The following CNTN6 variants were observed in gnomAD, a reference collection of about 807,000 sequenced individuals.
CNTN6 encodes the protein contactin 6, also known as contactin-6.
CNTN6 carries 137 observed loss-of-function variants against 122.8 expected under a neutral mutation model. The ratio of observed to expected loss-of-function variants is 1.12; its 90% confidence interval spans 0.97 to 1.29. CNTN6 has a LOEUF of 1.29. Among genes scored for constraint, CNTN6 ranks in the 50% most tolerant of loss-of-function variants. The pLI is 0.00. For missense variants in CNTN6, 1,634 were observed against 1,223.4 expected (o/e 1.34, Z -5.01); for synonymous variants, 570 against 426.0 (o/e 1.34, Z -4.16).
chr3:1,149,237 A>G (rs1190507564), intron 2 of CNTN6, among the ~76,000 whole-genome samples: 1 of 152,206 alleles, frequency 6.6e-6, no homozygotes, highest in East Asian at 1.9e-4. Flanking sequence ...GAGCTTACCT[A>G]CATGAGTTGT....
At chr3:1,140,857 G>A (rs554893075) in intron 1 of CNTN6, among the ~76,000 whole-genome samples, 32 of 152,290 alleles carry the variant, frequency 2.1e-4, no homozygotes, top group African/African-American at 7.0e-4. Context: ...GCTGTGTTAC[G>A]TCTTTCTACT....
In CNTN6 at chr3:1,373,750, G is replaced by A. The variant is rs1246184279; in HGVS notation, c.1933G>A (p.Ala645Thr). 6.2e-7 allele frequency: 1 copy of A among 1,608,276 alleles called. No individual in the cohort carries two copies. Among genetic ancestry groups the A allele is most frequent in the Non-Finnish European group, 8.5e-7 (1 of 1,177,098 alleles). The part of the protein sequence containing the change: ...TRTPFSVGWQ[A>T]VATVPEILNG... ...GACACCATTTTCTGTGGGTTGGCAG[G>A]CTGTTGCTACAGGTGAGTGACAAAA... Residue 645 changes from alanine (A) to threonine (T), a missense_variant, in exon 15 of 23, where the codon GCT becomes ACT. Coordinates refer to ENST00000446702, the MANE Select transcript of CNTN6 (RefSeq NM_001289080.2).
chr3:1,096,214 C>CTTGCT (rs759881294), intron 1 of CNTN6, among the ~76,000 whole-genome samples: 38 of 151,878 alleles, frequency 2.5e-4, no homozygotes, highest in Non-Finnish European at 4.7e-4. Context: ...TTGAATGTGA[C>CTTGCT]TTGCTTTTTT....
At chr3:1,295,917 A>T (rs1696151169) in intron 6 of CNTN6, 113 bp downstream of exon 6, 1 of 869,634 alleles carries the variant, frequency 1.1e-6, no homozygotes, top group African/African-American at 1.7e-5. Flanking sequence ...TTACGAGTTT[A>T]GGTTCAATTC....
intron 9 of CNTN6, 21 bp from the exon 10 acceptor site, chr3:1,327,436 A>G (rs1206782251): frequency 1.2e-6 from 2 of 1,606,868 alleles, no homozygotes; most frequent in Non-Finnish European, 1.7e-6. Context: ...AAGCATCTTT[A>G]TATGCCTTTT....
intron 1 of CNTN6, among the ~76,000 whole-genome samples, chr3:1,097,547 G>C (rs931920352): frequency 5.9e-5 from 9 of 152,188 alleles, no homozygotes; most frequent in Non-Finnish European, 1.0e-4. Context: ...CAAGATTCAG[G>C]AGGCAAGCTC....
chr3:1,118,826 G>A (rs1294474638), intron 1 of CNTN6, among the ~76,000 whole-genome samples: 2 of 151,890 alleles, frequency 1.3e-5, no homozygotes, highest in East Asian at 3.9e-4. Context: ...AGACCTTGGT[G>A]TTAATAAGAT....
intron 11 of CNTN6, among the ~76,000 whole-genome samples, chr3:1,335,693 G>C (rs1256445791): frequency 6.6e-6 from 1 of 152,102 alleles, no homozygotes; most frequent in East Asian, 1.9e-4. Context: ...CAAAGAGATG[G>C]AGAAAAGAAA....
At position 1,401,415 on chromosome 3, in the gene CNTN6, T is replaced by C. The variant is rs754724467; in HGVS notation, c.2705-18T>C. On this transcript the variant is annotated intron_variant, in intron 20 of 22. Transcript: ENST00000446702. ...AGCTAATTAACATTCATTTGGATCT[T>C]TGATTATCTCTTTAAAGCTCCAAGC... 6.3e-7 allele frequency: 1 copy of C among 1,594,642 alleles called. No individual in the cohort carries two copies. The highest frequency in any genetic ancestry group is 2.2e-5 in the East Asian group (1 of 44,672).
chr3:1,372,913 A>G lies in CNTN6; in HGVS notation c.1744A>G (p.Thr582Ala). The G allele has an allele frequency of 1.2e-6, 2 of 1,608,026 alleles. No homozygotes were observed. The highest frequency in any genetic ancestry group is 1.7e-6 in the Non-Finnish European group (2 of 1,176,340). ...SGKYLCTVQTTLESLSAVADI... is the reference protein window; with the variant it reads ...SGKYLCTVQTALESLSAVADI... Reference sequence around the variant, plus strand: ...AAAATATCTCTGCACAGTACAAACAACCCTAGAAAGTTTATCTGCAGTAGC... The same window carrying G: ...AAAATATCTCTGCACAGTACAAACAGCCCTAGAAAGTTTATCTGCAGTAGC... The change falls in exon 14 of 23, where the codon ACC becomes GCC. Residue 582 changes from threonine to alanine, a missense_variant. By Grantham distance (58) the Thr-to-Ala change is moderately conservative. Coordinates refer to ENST00000446702, the MANE Select transcript of CNTN6 (RefSeq NM_001289080.2).
chr3:1,245,219 T>TATATATATATAAC (rs2094547400), intron 4 of CNTN6, among the ~76,000 whole-genome samples: 3 of 23,118 alleles, frequency 1.3e-4, no homozygotes, highest in African/African-American at 3.0e-4. Context: ...TATATATATA[T>TATATATATATAAC]ATATATATAT....
At chr3:1,195,791 T>C (rs1186697238) in intron 2 of CNTN6, among the ~76,000 whole-genome samples, 3 of 152,212 alleles carry the variant, frequency 2.0e-5, no homozygotes, top group Non-Finnish European at 4.4e-5. Context: ...TGAATCTTAC[T>C]ATTCTCACCT....
chr3:1,259,952 A>C (rs1395400012), intron 4 of CNTN6, among the ~76,000 whole-genome samples: 1 of 152,090 alleles, frequency 6.6e-6, no homozygotes, highest in African/African-American at 2.4e-5. Flanking sequence ...ATATGTTAAA[A>C]CTGCTTTGAA....
At chr3:1,189,744 T>C (rs1575170009) in intron 2 of CNTN6, among the ~76,000 whole-genome samples, 3 of 152,246 alleles carry the variant, frequency 2.0e-5, no homozygotes, top group South Asian at 4.1e-4. Flanking sequence ...TGGGAAAGAA[T>C]CCTGTGATTG....
intron 4 of CNTN6, among the ~76,000 whole-genome samples, chr3:1,277,838 T>A (rs1455754333): frequency 1.3e-5 from 2 of 152,216 alleles, no homozygotes; most frequent in African/African-American, 4.8e-5. Flanking sequence ...CTTTCAACTC[T>A]GAATTTCTGT....
chr3:1,165,293 C>A (rs2093221611), intron 2 of CNTN6, among the ~76,000 whole-genome samples: 1 of 152,156 alleles, frequency 6.6e-6, no homozygotes, highest in Admixed American at 6.5e-5. Context: ...GAAGACTCTG[C>A]AATCCTCTTT....
At chr3:1,094,881 T>C (rs981421307) in intron 1 of CNTN6, among the ~76,000 whole-genome samples, 2 of 152,064 alleles carry the variant, frequency 1.3e-5, no homozygotes, top group Non-Finnish European at 2.9e-5. Context: ...CTGTTTATTT[T>C]AATAACATAT....
chr3:1,351,804 C>A (rs948424971), intron 11 of CNTN6, among the ~76,000 whole-genome samples: 1 of 151,838 alleles, frequency 6.6e-6, no homozygotes, highest in Non-Finnish European at 1.5e-5. Flanking sequence ...GGCCATGGAA[C>A]CATATAGATA....
At chr3:1,274,758 C>T (rs567699285) in intron 4 of CNTN6, among the ~76,000 whole-genome samples, 1 of 152,092 alleles carries the variant, frequency 6.6e-6, no homozygotes, top group Non-Finnish European at 1.5e-5. Flanking sequence ...TTGTATCAGT[C>T]AGAGGAAAAT....
Sources: gnomAD v4.1 joint callset for allele counts (sites outside exome capture counted in the v4.1 genomes callset) on GRCh38, gnomAD v4.1.1 for gene constraint, MANE v1.5 for transcripts, NCBI Gene and HGNC (gene_info 2026-07-23, HGNC 2026-07-21) for gene names.